The following CRYBG1 variants were observed in gnomAD, a reference collection of about 807,000 sequenced individuals.
CRYBG1 encodes the protein beta/gamma crystallin domain-containing protein 1.
A neutral mutation model predicts 189.2 loss-of-function variants in CRYBG1; 139 were observed. That is an observed-to-expected ratio of 0.73 (90% CI 0.64 to 0.85). The LOEUF is 0.85. Among genes scored for constraint, CRYBG1 ranks in the 40% least tolerant of loss-of-function variants. CRYBG1 has a pLI of 0.00. For missense variants in CRYBG1, 2,611 were observed against 2,675.8 expected, an observed-to-expected ratio of 0.98 and a Z score of 0.53; for synonymous variants, 1,023 against 1,017.1, an observed-to-expected ratio of 1.01 and a Z score of -0.11.
chr6:106,525,027 T>C (rs1236080627), intron 4 of CRYBG1, 106 bp from the exon 5 acceptor site: 2 of 1,142,844 alleles, frequency 1.8e-6, no homozygotes, highest in East Asian at 2.4e-5. Flanking sequence ...TCAAAATCGA[T>C]ACAATGTGGG....
chr6:106,561,412 A>T lies in CRYBG1; in HGVS notation c.6050A>T (p.Asp2017Val). Residue 2017 changes from aspartate (D) to valine (V), a missense_variant, in exon 20 of 22, where the codon GAT (aspartate) becomes GTT (valine). Around this residue, in one of 3 missense-constraint regions of CRYBG1, gnomAD observed 1,622 missense variants for 1,735.0 expected, o/e 0.93. Transcript: ENST00000633556. ...ATGTCAACCAATGGAAACTTAGAGG[A>T]TCTGAAGCTTCTGAGGATACAGGTC... The part of the protein sequence containing the change: ...LFMSTNGNLE[D>V]LKLLRIQVME... 1 of 1,614,174 alleles carries T rather than the reference A, an allele frequency of 6.2e-7. No homozygotes were observed. Among genetic ancestry groups the T allele is most frequent in the Non-Finnish European group, 8.5e-7 (1 of 1,180,004 alleles).
At chr6:106,530,457 C>A in intron 8 of CRYBG1, 142 bp downstream of exon 8, 4 of 738,834 alleles carry the variant, frequency 5.4e-6, no homozygotes, top group Non-Finnish European at 8.1e-6. Context: ...TTATAAGGCA[C>A]GTAAAATTCT....
In CRYBG1 at chr6:106,512,240, G is replaced by GACA; in HGVS notation, c.1123_1124insACA (p.Val375delinsAspMet). Reference sequence around the variant, plus strand: ...CAAGGGTCACGCCCACCCTGCTAAGGTGCTAACTTTGGACATCTACTTGAG... The same window carrying GACA: ...CAAGGGTCACGCCCACCCTGCTAAGGACATGCTAACTTTGGACATCTACTTGAG... On this transcript the variant is annotated protein_altering_variant, in exon 3 of 22. Coordinates refer to ENST00000633556, the MANE Select transcript of CRYBG1 (RefSeq NM_001371242.2). 6.5e-7 allele frequency: 1 copy of GACA among 1,542,350 alleles called. No individual in the cohort carries two copies. Among genetic ancestry groups the GACA allele is most frequent in the East Asian group, 2.4e-5 (1 of 41,464 alleles).
intron 2 of CRYBG1, among the ~76,000 whole-genome samples, chr6:106,479,547 GTAA>G (rs1444422017): frequency 6.6e-6 from 1 of 152,124 alleles, no homozygotes; most frequent in Admixed American, 6.5e-5. Flanking sequence ...AATCCCACCA[GTAA>G]TGTATAAGGG....
chr6:106,451,575 A>G, intron 1 of CRYBG1, 119 bp from the exon 2 acceptor site: 3 of 1,011,838 alleles, frequency 3.0e-6, no homozygotes, highest in Non-Finnish European at 4.1e-6. Context: ...TTGAAGAATG[A>G]TTCATTATTT....
At chr6:106,364,967 A>G (rs1263908876) in intron 1 of CRYBG1, among the ~76,000 whole-genome samples, 4 of 152,214 alleles carry the variant, frequency 2.6e-5, no homozygotes, top group African/African-American at 7.2e-5. Flanking sequence ...TGCTCAACCA[A>G]TGGGAGTTGT....
At chr6:106,546,439 G>A (rs962882277) in intron 13 of CRYBG1, among the ~76,000 whole-genome samples, 8 of 152,332 alleles carry the variant, frequency 5.3e-5, no homozygotes, top group African/African-American at 1.7e-4. Flanking sequence ...CAACCCCATT[G>A]TATCTCATGG....
chr6:106,553,008 C>G (rs1774443407), intron 15 of CRYBG1, among the ~76,000 whole-genome samples: 1 of 152,132 alleles, frequency 6.6e-6, no homozygotes, highest in Admixed American at 6.6e-5. Context: ...TATAGAGGAA[C>G]AAACACCACT....
chr6:106,495,128 C>G (rs1215876663), intron 2 of CRYBG1, among the ~76,000 whole-genome samples: 2 of 152,210 alleles, frequency 1.3e-5, no homozygotes, highest in African/African-American at 4.8e-5. Flanking sequence ...CTCTTTAACA[C>G]TTTCAACTCT....
intron 13 of CRYBG1, among the ~76,000 whole-genome samples, chr6:106,545,202 A>G (rs1029156259): frequency 2.6e-5 from 4 of 152,192 alleles, no homozygotes; most frequent in Non-Finnish European, 4.4e-5. Flanking sequence ...CATTCTGCAC[A>G]GAAAGATAGT....
intron 2 of CRYBG1, among the ~76,000 whole-genome samples, chr6:106,470,961 G>C (rs1047070604): frequency 6.6e-6 from 1 of 152,080 alleles, no homozygotes; most frequent in African/African-American, 2.4e-5. Flanking sequence ...CCTGAACTTG[G>C]GTTTTTTGCA....
intron 1 of CRYBG1, among the ~76,000 whole-genome samples, chr6:106,380,564 A>G (rs1770265834): frequency 6.6e-6 from 1 of 152,240 alleles, no homozygotes; most frequent in Admixed American, 6.5e-5. Context: ...ATTTAGATGA[A>G]TTCAGAAAGA....
intron 1 of CRYBG1, among the ~76,000 whole-genome samples, chr6:106,371,676 T>C (rs1169425235): frequency 6.6e-6 from 1 of 152,250 alleles, no homozygotes; most frequent in Admixed American, 6.5e-5. Flanking sequence ...TATTCCTGTG[T>C]ATCAGTATAC....
intron 2 of CRYBG1, among the ~76,000 whole-genome samples, chr6:106,493,588 C>T (rs1274368302): frequency 6.6e-6 from 1 of 152,094 alleles, no homozygotes; most frequent in Non-Finnish European, 1.5e-5. Flanking sequence ...GGAAAGAAAC[C>T]AAATGTCCAT....
At chr6:106,468,318 A>T (rs1370925582) in intron 2 of CRYBG1, among the ~76,000 whole-genome samples, 13 of 152,184 alleles carry the variant, frequency 8.5e-5, no homozygotes, top group Non-Finnish European at 1.8e-4. Context: ...AACGGCTGTC[A>T]AAGGGGTAGC....
chr6:106,477,929 C>T (rs779920815), intron 2 of CRYBG1, among the ~76,000 whole-genome samples: 6 of 152,242 alleles, frequency 3.9e-5, no homozygotes, highest in African/African-American at 7.2e-5. Context: ...TGTGCCAAGG[C>T]GCCAGTTCCA....
intron 2 of CRYBG1, among the ~76,000 whole-genome samples, chr6:106,452,506 G>A (rs1771805035): frequency 6.6e-6 from 1 of 151,622 alleles, no homozygotes; most frequent in Admixed American, 6.6e-5. Context: ...CTCCTTGTAG[G>A]TGCCTTTTGC....
chr6:106,442,480 A>T (rs1209160508), intron 1 of CRYBG1, among the ~76,000 whole-genome samples: 1 of 152,212 alleles, frequency 6.6e-6, no homozygotes, highest in Non-Finnish European at 1.5e-5. Context: ...AGTTAACTTC[A>T]AAGTGTGTGC....
chr6:106,449,817 G>A (rs1325861999), intron 1 of CRYBG1, among the ~76,000 whole-genome samples: 1 of 151,970 alleles, frequency 6.6e-6, no homozygotes, highest in Non-Finnish European at 1.5e-5. Context: ...TGTCTTTACT[G>A]TACACAAGTA....
Sources: gnomAD v4.1 joint callset for allele counts (sites outside exome capture counted in the v4.1 genomes callset) on GRCh38, gnomAD v4.1.1 for gene constraint, gnomAD v4.1.1 regional missense constraint, MANE v1.5 for transcripts, NCBI Gene and HGNC (gene_info 2026-07-23, HGNC 2026-07-21) for gene names.